The following TAFA1 variants were observed in gnomAD, a reference collection of about 807,000 sequenced individuals.
TAFA1 encodes TAFA chemokine like family member 1.
Under a neutral mutation model 18.5 loss-of-function variants are expected in TAFA1, and 4 were observed. The observed-to-expected ratio is 0.22, with a 90% CI of 0.11 to 0.49. The LOEUF (loss-of-function observed/expected upper bound fraction) is 0.49. Among genes scored for constraint, TAFA1 ranks in the 20% least tolerant of loss-of-function variants. The pLI is 0.98. For missense variants in TAFA1, 147 were observed against 169.0 expected, an observed-to-expected ratio of 0.87 and a Z score of 0.72; for synonymous variants, 56 against 55.2, an observed-to-expected ratio of 1.01 and a Z score of -0.06.
chr3:68,461,377 A>ATATATATATATG (rs1337466211), intron 3 of TAFA1, among the ~76,000 whole-genome samples: 3 of 142,014 alleles, frequency 2.1e-5, no homozygotes, highest in African/African-American at 8.3e-5. Flanking sequence ...ATATATATAT[A>ATATATATATATG]TATGTATGTA....
chr3:68,332,769 G>A (rs1319198645), intron 2 of TAFA1, among the ~76,000 whole-genome samples: 1 of 152,170 alleles, frequency 6.6e-6, no homozygotes, highest in Non-Finnish European at 1.5e-5. Flanking sequence ...GATAATAAGT[G>A]TTGATGAGAA....
At chr3:68,225,177 G>C (rs2066782469) in intron 2 of TAFA1, among the ~76,000 whole-genome samples, 1 of 151,850 alleles carries the variant, frequency 6.6e-6, no homozygotes, top group Admixed American at 6.6e-5. Context: ...CAAAGTGCTT[G>C]GATTACAGGC....
intron 2 of TAFA1, among the ~76,000 whole-genome samples, chr3:68,195,541 C>T (rs1364179769): frequency 1.3e-5 from 2 of 151,308 alleles, no homozygotes; most frequent in Admixed American, 1.3e-4. Context: ...AGTCCAGAGG[C>T]ATTTTTGGCT....
rs79702561 is a variant in TAFA1 at position 68,039,625 on chromosome 3, A to G, written c.118+32881A>G. Among the ~76,000 whole-genome samples the G allele has an allele frequency of 6.5e-3, 992 of 152,238 alleles. 18 individuals carry two copies. Among genetic ancestry groups the G allele is most frequent in the African/African-American group, 0.022 (904 of 41,540 alleles). Reference sequence around the variant, plus strand: ...TAGACAATCTCTTATATTTCTTACTATTTTAAACCATGAAGAGTCGCATTA... The same window carrying G: ...TAGACAATCTCTTATATTTCTTACTGTTTTAAACCATGAAGAGTCGCATTA... On this transcript the variant is annotated intron_variant, in intron 2 of 4. Coordinates refer to ENST00000478136, the MANE Select transcript of TAFA1 (RefSeq NM_213609.4).
Position 68,209,718 on chromosome 3 carries a change from T to G in TAFA1, c.118+202974T>G, listed in dbSNP as rs544123728. 8.5e-5 allele frequency among the ~76,000 whole-genome samples: 13 copies of G among 152,200 alleles called. No homozygotes were observed. The East Asian group carries it at 2.3e-3, about 27-fold the overall frequency. On this transcript the variant is annotated intron_variant, in intron 2 of 4. Transcript: ENST00000478136. The stretch of plus-strand genomic sequence containing the variant: ...CATTCTATCAACAAATACTACAACA[T>G]TACTAAAACTTTTTTTCATTATATT...
At chr3:68,542,829 G>A (rs2073399256) in intron 4 of TAFA1, among the ~76,000 whole-genome samples, 1 of 152,144 alleles carries the variant, frequency 6.6e-6, no homozygotes, top group Non-Finnish European at 1.5e-5. Context: ...TGGGAAGGGG[G>A]TAGAGGAAGA....
At chr3:68,033,216 C>T (rs1704974966) in intron 2 of TAFA1, among the ~76,000 whole-genome samples, 1 of 152,208 alleles carries the variant, frequency 6.6e-6, no homozygotes, top group Middle Eastern at 3.4e-3. Context: ...AGTGAGCACT[C>T]GTATTTTTCT....
At chr3:68,502,772 C>T (rs2072680031) in intron 3 of TAFA1, among the ~76,000 whole-genome samples, 1 of 152,064 alleles carries the variant, frequency 6.6e-6, no homozygotes, top group African/African-American at 2.4e-5. Flanking sequence ...TCATCTATAA[C>T]AGTTTTGACC....
chr3:68,443,008 C>G (rs943970643), intron 3 of TAFA1, among the ~76,000 whole-genome samples: 12 of 152,090 alleles, frequency 7.9e-5, no homozygotes, highest in African/African-American at 2.7e-4. Flanking sequence ...ATACAGGAAG[C>G]CTCTGAATCA....
intron 3 of TAFA1, among the ~76,000 whole-genome samples, chr3:68,485,685 A>C (rs1437158291): frequency 6.6e-6 from 1 of 152,248 alleles, no homozygotes; most frequent in Admixed American, 6.5e-5. Flanking sequence ...CCAGTTATTT[A>C]TACCAATAGA....
intron 2 of TAFA1, among the ~76,000 whole-genome samples, chr3:68,160,573 A>G (rs537984408): frequency 6.6e-6 from 1 of 152,372 alleles, no homozygotes; most frequent in South Asian, 2.1e-4. Flanking sequence ...TAATGTGGGC[A>G]TAATAATAGT....
intron 3 of TAFA1, among the ~76,000 whole-genome samples, chr3:68,466,418 C>T (rs1334574851): frequency 1.3e-5 from 2 of 152,082 alleles, no homozygotes; most frequent in Non-Finnish European, 2.9e-5. Context: ...CCTGTCTTGA[C>T]TGAAACAATA....
intron 1 of TAFA1, chr3:68,006,422 G>GA (rs1704358460): frequency 3.8e-6 from 2 of 525,162 alleles, no homozygotes; most frequent in South Asian, 3.0e-5. Flanking sequence ...GCAGAATTAA[G>GA]AAAAAAATGA....
intron 2 of TAFA1, among the ~76,000 whole-genome samples, chr3:68,344,306 A>C (rs576176730): frequency 6.6e-6 from 1 of 152,342 alleles, no homozygotes; most frequent in Admixed American, 6.5e-5. Flanking sequence ...TTGGGGGCCT[A>C]CTGTACACAG....
chr3:68,305,603 G>A (rs1218812852), intron 2 of TAFA1, among the ~76,000 whole-genome samples: 1 of 151,214 alleles, frequency 6.6e-6, no homozygotes, highest in Non-Finnish European at 1.5e-5. Flanking sequence ...GAATTATAGG[G>A]ATACACTAGT....
At chr3:68,243,778 T>G (rs1471566424) in intron 2 of TAFA1, among the ~76,000 whole-genome samples, 1 of 152,152 alleles carries the variant, frequency 6.6e-6, no homozygotes, top group African/African-American at 2.4e-5. Context: ...AAAGTAAATT[T>G]TAACTTCACT....
At chr3:68,342,032 G>T (rs1263153796) in intron 2 of TAFA1, among the ~76,000 whole-genome samples, 1 of 152,184 alleles carries the variant, frequency 6.6e-6, no homozygotes, top group Non-Finnish European at 1.5e-5. Context: ...TCATCAAATG[G>T]TTACCATCTT....
At chr3:68,410,654 T>C (rs968914680) in intron 2 of TAFA1, among the ~76,000 whole-genome samples, 37 of 130,526 alleles carry the variant, frequency 2.8e-4, no homozygotes, top group African/African-American at 1.1e-3. Context: ...TCTTGTTTTT[T>C]AGATCTACAG....
intron 2 of TAFA1, among the ~76,000 whole-genome samples, chr3:68,312,012 C>G (rs2068528654): frequency 6.6e-6 from 1 of 152,220 alleles, no homozygotes; most frequent in Non-Finnish European, 1.5e-5. Flanking sequence ...CTTCTGTGCC[C>G]TGACAGGCTC....
Sources: allele counts gnomAD v4.1 joint callset (sites outside exome capture counted in the v4.1 genomes callset), GRCh38; gene constraint gnomAD v4.1.1; transcripts MANE v1.5; gene names NCBI Gene and HGNC (gene_info 2026-07-23, HGNC 2026-07-21).